Variants in TENT5B observed in about 807,000 individuals in gnomAD.
The protein encoded by TENT5B is terminal nucleotidyltransferase 5B.
Under a neutral mutation model 21.7 loss-of-function variants are expected in TENT5B, and 12 were observed. The observed-to-expected ratio is 0.55, with a 90% CI of 0.36 to 0.90. TENT5B has a LOEUF of 0.90. Among genes scored for constraint, TENT5B ranks in the 40% least tolerant of loss-of-function variants. The pLI is 0.01. For missense variants in TENT5B, 540 were observed against 601.5 expected (o/e 0.90, Z 1.07); for synonymous variants, 262 against 266.6 (o/e 0.98, Z 0.17).
chr1:27,006,345 G>C lies in TENT5B; in HGVS notation c.877C>G (p.Arg293Gly), dbSNP rs779099813. The change falls in exon 2 of 2, where the codon CGG (arginine) becomes GGG (glycine). Residue 293 changes from arginine to glycine, a missense_variant. By Grantham distance (125) the Arg-to-Gly change is moderately radical. Transcript: ENST00000289166. The surrounding 1 kb of genome is among the most constrained non-coding windows in gnomAD (Gnocchi z 9.4). ...AGGGCGCGCACATCGGTGCTGGGCC[G>C]GGGCCGGAAGCCCCGCACCAGGAGG... ...CHLLVRGFRP[R>G]PSTDVRALQR... 2 of 1,610,784 alleles carry C rather than the reference G, an allele frequency of 1.2e-6. No homozygotes were observed. The highest frequency in any genetic ancestry group is 4.5e-5 in the East Asian group (2 of 44,822).
Position 27,012,722 on chromosome 1 carries a change from A to G in TENT5B, c.-52T>C. ...AGAAACCGTGGGGGTGGTTAAGGGG[A>G]GGAGGACAGGGAGAGCGGCTGGGCA... On this transcript the variant is annotated 5_prime_UTR_variant, in exon 1 of 2. Coordinates refer to ENST00000289166, the MANE Select transcript of TENT5B (RefSeq NM_052943.4). 7.1e-7 allele frequency: 1 copy of G among 1,404,498 alleles called. No individual in the cohort carries two copies. The highest frequency in any genetic ancestry group is 3.6e-5 in the Admixed American group (1 of 28,092). The allele number at this position is 1,404,498 out of a possible 1,614,324, so 87.0% of individuals were successfully genotyped here.
Position 27,005,783 on chromosome 1 carries a change from C to T in TENT5B, c.*161G>A, listed in dbSNP as rs1265294443. 1.6e-5 allele frequency: 16 copies of T among 973,100 alleles called. No individual in the cohort carries two copies. The highest frequency in any genetic ancestry group is 2.2e-5 in the Non-Finnish European group (15 of 696,560). 60.3% of individuals were successfully genotyped at this position (973,100 alleles called of 1,614,324 possible). ...AGGCTGGCATTAAGCCCACAGGGGC[C>T]TCGTGCTCGGGAAAGTCTGGTCTGT... On this transcript the variant is annotated 3_prime_UTR_variant, in exon 2 of 2. Transcript: ENST00000289166.
Position 27,012,453 on chromosome 1 carries a change from C to T in TENT5B, c.218G>A (p.Arg73His). ...LLSEPIPIHG[R>H]GNFPTLSVQP... ...CACGCTCAGCGTGGGGAAGTTGCCG[C>T]GCCCGTGAATGGGAATCGGCTCGCT... The change falls in exon 1 of 2, where the codon CGC becomes CAC. Residue 73 changes from arginine to histidine, a missense_variant. Arg to His is a conservative substitution (Grantham distance 29). Coordinates refer to ENST00000289166, the MANE Select transcript of TENT5B (RefSeq NM_052943.4). 3 of 1,613,262 alleles carry T rather than the reference C, an allele frequency of 1.9e-6. No homozygotes were observed. The highest frequency in any genetic ancestry group is 8.5e-7 in the Non-Finnish European group (1 of 1,179,906).
chr1:27,011,209 C>T (rs562271214), intron 1 of TENT5B, among the ~76,000 whole-genome samples: 4 of 152,318 alleles, frequency 2.6e-5, no homozygotes, highest in East Asian at 3.9e-4. Context: ...AATCTGCCCC[C>T]GCCCCCTCCA....
In TENT5B at chr1:27,005,671, T is replaced by C; in HGVS notation, c.*273A>G. On this transcript the variant is annotated 3_prime_UTR_variant, in exon 2 of 2. Transcript: ENST00000289166. ...CTTTGTCTCCTGAAGGAAATTGACT[T>C]CCAAGACAAATGGCGCCTGCACCCC... 4.6e-6 allele frequency: 2 copies of C among 431,594 alleles called. No individual in the cohort carries two copies. Among genetic ancestry groups the C allele is most frequent in the Non-Finnish European group, 8.1e-6 (2 of 245,876 alleles). The allele number at this position is 431,594 out of a possible 1,614,324, so 26.7% of individuals were successfully genotyped here.
chr1:27,011,352 C>T (rs1035887169), intron 1 of TENT5B, among the ~76,000 whole-genome samples: 1 of 152,184 alleles, frequency 6.6e-6, no homozygotes, highest in Non-Finnish European at 1.5e-5. Flanking sequence ...TTGGCAGGAA[C>T]GCACAGGAGT....
Position 27,006,389 on chromosome 1 carries a change from C to T in TENT5B, c.833G>A (p.Gly278Asp). The change falls in exon 2 of 2, where the codon GGC (glycine) becomes GAC (aspartate). Residue 278 changes from glycine to aspartate, a missense_variant. Gly to Asp is a moderately conservative substitution (Grantham distance 94). Transcript: ENST00000289166. This position sits in a 1 kb window ranked among gnomAD's most constrained non-coding sequence, Gnocchi z 9.4. ...CAGGAGGTGGCAGTACTTGAGGAGG[C>T]CACCACCTCGGATCTCCTCGGGACT... The part of the protein sequence containing the change: ...TRSPEEIRGG[G>D]LLKYCHLLVR... 1 of 1,612,726 alleles carries T rather than the reference C, an allele frequency of 6.2e-7. No homozygotes were observed. Among genetic ancestry groups the T allele is most frequent in the Non-Finnish European group, 8.5e-7 (1 of 1,179,560 alleles).
chr1:27,010,326 G>C (rs762161307), intron 1 of TENT5B, among the ~76,000 whole-genome samples: 77 of 152,206 alleles, frequency 5.1e-4, no homozygotes, highest in Non-Finnish European at 9.7e-4. Context: ...GCCTTGCAGG[G>C]GGGTAGAGGG....
chr1:27,007,394 C>CTT (rs978067044), intron 1 of TENT5B, among the ~76,000 whole-genome samples: 29 of 140,472 alleles, frequency 2.1e-4, no homozygotes, highest in African/African-American at 2.3e-4. Context: ...GAGTCCAAGT[C>CTT]TTTTTTTTTT....
At chr1:27,007,001 A>C in intron 1 of TENT5B, 44 bp from the exon 2 acceptor site, 1 of 1,521,040 alleles carries the variant, frequency 6.6e-7, no homozygotes, top group Non-Finnish European at 8.8e-7. Flanking sequence ...AGCGGGCCTC[A>C]GGGGTCCACC....
At chr1:27,009,248 C>T (rs1019934498) in intron 1 of TENT5B, among the ~76,000 whole-genome samples, 6 of 151,972 alleles carry the variant, frequency 3.9e-5, no homozygotes, top group African/African-American at 7.2e-5. Flanking sequence ...GGATTACAGG[C>T]GTGAGACACT....
Position 27,005,621 on chromosome 1 carries a change from CA to C in TENT5B, c.*322del, listed in dbSNP as rs2124202503. On this transcript the variant is annotated 3_prime_UTR_variant, in exon 2 of 2. Transcript: ENST00000289166. ...ATGGGAATCAATCCAAGGTGCTGGG[CA>C]TTAAGGCTACCACCCCAAACTTGCT... is the stretch of plus-strand genomic sequence containing the variant. 1 of 352,550 alleles carries C rather than the reference CA, an allele frequency of 2.8e-6. No homozygotes were observed. Among genetic ancestry groups the C allele is most frequent in the East Asian group, 4.7e-5 (1 of 21,290 alleles). 21.8% of individuals were successfully genotyped at this position (352,550 alleles called of 1,614,324 possible). A position where few individuals can be genotyped will look rare whatever the true frequency, so the allele number is the denominator to read the frequency against.
chr1:27,008,275 C>T (rs764846182), intron 1 of TENT5B, among the ~76,000 whole-genome samples: 4 of 152,206 alleles, frequency 2.6e-5, no homozygotes, highest in African/African-American at 4.8e-5. Context: ...TTCTGCAACC[C>T]TGCCTTGCTG....
In TENT5B at chr1:27,006,651, A is replaced by G; in HGVS notation, c.571T>C (p.Ser191Pro). The G allele has an allele frequency of 1.2e-6, 2 of 1,614,080 alleles. No individual in the cohort carries two copies. Among genetic ancestry groups the G allele is most frequent in the Non-Finnish European group, 1.7e-6 (2 of 1,180,014 alleles). ...TTCTTGCCGCTCTTGTTGGACAGTG[A>G]GATGAGGCTCCAGCGGTCCGAGTCT... ...CTDSDRWSLI[S>P]LSNKSGKNVE... Residue 191 changes from serine to proline, a missense_variant, in exon 2 of 2, where the codon TCA (serine) becomes CCA (proline). By Grantham distance (74) the Ser-to-Pro change is moderately conservative (BLOSUM62 -1). Coordinates refer to ENST00000289166, the MANE Select transcript of TENT5B (RefSeq NM_052943.4). The surrounding 1 kb of genome is among the most constrained non-coding windows in gnomAD (Gnocchi z 9.4).
chr1:27,006,190 C>T lies in TENT5B; in HGVS notation c.1032G>A (p.Val344=). 1 of 1,612,272 alleles carries T rather than the reference C, an allele frequency of 6.2e-7. No homozygotes were observed. The highest frequency in any genetic ancestry group is 8.5e-7 in the Non-Finnish European group (1 of 1,179,526). Residue 344 remains valine (V), a synonymous_variant, in exon 2 of 2, where the codon GTG becomes GTA. Transcript: ENST00000289166. This position sits in a 1 kb window ranked among gnomAD's most constrained non-coding sequence, Gnocchi z 9.4. ...ADAARRYACL[V]TLHRVVNEST... ...TCTCGTTGACCACCCGGTGCAGTGT[C>T]ACCAGGCAGGCGTAACGGCGGGCTG...
At chr1:27,011,214 C>T (rs1482327091) in intron 1 of TENT5B, among the ~76,000 whole-genome samples, 3 of 152,214 alleles carry the variant, frequency 2.0e-5, no homozygotes, top group African/African-American at 7.2e-5. Context: ...GCCCCCGCCC[C>T]CTCCAGTTCC....
At chr1:27,009,039 G>T (rs1278060784) in intron 1 of TENT5B, among the ~76,000 whole-genome samples, 5 of 109,820 alleles carry the variant, frequency 4.6e-5, no homozygotes, top group Non-Finnish European at 8.8e-5. Flanking sequence ...GCTGAGGGTG[G>T]AATGCAGTGA....
At chr1:27,008,974 CTTCT>C (rs2082612698) in intron 1 of TENT5B, among the ~76,000 whole-genome samples, 1 of 106,408 alleles carries the variant, frequency 9.4e-6, no homozygotes, top group Non-Finnish European at 1.8e-5. Flanking sequence ...TTCCTCCATC[CTTCT>C]TTTTTTTTTT....
chr1:27,009,095 T>A (rs569112204), intron 1 of TENT5B, among the ~76,000 whole-genome samples: 1 of 142,004 alleles, frequency 7.0e-6, no homozygotes, highest in East Asian at 2.3e-4. Context: ...GCCTCCCAAG[T>A]AGGTGGGACT....
Sources: gnomAD v4.1 joint callset for allele counts (sites outside exome capture counted in the v4.1 genomes callset) on GRCh38, gnomAD v4.1.1 for gene constraint, Gnocchi (gnomAD v3.1) non-coding constraint, MANE v1.5 for transcripts, NCBI Gene and HGNC (gene_info 2026-07-23, HGNC 2026-07-21) for gene names.